The following NEXN variants were observed in gnomAD, a reference collection of about 807,000 sequenced individuals.
The protein encoded by NEXN is nexilin F-actin binding protein, also known as nexilin.
Under a neutral mutation model 92.6 loss-of-function variants are expected in NEXN, and 65 were observed. That is an observed-to-expected ratio of 0.70 (90% CI 0.57 to 0.86). The LOEUF is 0.86. NEXN is among the 40% of genes least tolerant of loss of function. The pLI is 0.00. For missense variants in NEXN, 778 were observed against 771.1 expected, an observed-to-expected ratio of 1.01 and a Z score of -0.11; for synonymous variants, 254 against 242.5, an observed-to-expected ratio of 1.05 and a Z score of -0.44.
At chr1:77,933,719 T>G (rs1171535389) in intron 10 of NEXN, among the ~76,000 whole-genome samples, 1 of 152,206 alleles carries the variant, frequency 6.6e-6, no homozygotes, top group Non-Finnish European at 1.5e-5. Context: ...GAGCTATTAC[T>G]ATTTATTTAT....
chr1:77,918,458 G>T (rs886979231), intron 5 of NEXN, among the ~76,000 whole-genome samples, 185 bp downstream of exon 5: 5 of 151,996 alleles, frequency 3.3e-5, no homozygotes, highest in Middle Eastern at 3.4e-3. Flanking sequence ...TGGGTGGATC[G>T]CTTCGACATC....
chr1:77,915,947 T>G, intron 1 of NEXN, 108 bp from the exon 2 acceptor site: 1 of 275,854 alleles, frequency 3.6e-6, no homozygotes, highest in Non-Finnish European at 6.7e-6. Context: ...CTTGCTTGAA[T>G]CATGTCAGTA....
At chr1:77,893,622 G>A (rs945239169) in intron 1 of NEXN, among the ~76,000 whole-genome samples, 3 of 151,996 alleles carry the variant, frequency 2.0e-5, no homozygotes, top group South Asian at 2.1e-4. Flanking sequence ...GCTCAAATAC[G>A]AATAGAGCTT....
chr1:77,901,675 G>A (rs1277944928), intron 1 of NEXN, among the ~76,000 whole-genome samples: 1 of 152,068 alleles, frequency 6.6e-6, no homozygotes, highest in Non-Finnish European at 1.5e-5. Flanking sequence ...CTCAATAATG[G>A]GCCCAGACTT....
Position 77,895,029 on chromosome 1 carries a change from A to ATTT in NEXN, c.-53+6301_-53+6303dup, listed in dbSNP as rs559226754. On this transcript the variant is annotated intron_variant, in intron 1 of 12. Coordinates refer to ENST00000334785, the MANE Select transcript of NEXN (RefSeq NM_144573.4). ...CCATCCATGGCCAGCCTATAGTGTA[A>ATTT]TTTTTTTTTTTTTTTTTTTTTTTTT... 2.2e-3 allele frequency among the ~76,000 whole-genome samples: 137 copies of ATTT among 61,656 alleles called. 5 individuals carry two copies. The highest frequency in any genetic ancestry group is 5.3e-3 in the East Asian group (10 of 1,882). 40.4% of individuals were successfully genotyped at this position (61,656 alleles called of 152,430 possible).
chr1:77,904,525 T>C (rs751434762), intron 1 of NEXN, among the ~76,000 whole-genome samples: 5 of 152,154 alleles, frequency 3.3e-5, no homozygotes, highest in Non-Finnish European at 7.4e-5. Context: ...AGTTTTTGCG[T>C]GAATATTGAA....
chr1:77,935,737 A>T, intron 10 of NEXN, 86 bp from the exon 11 acceptor site: 1 of 1,231,600 alleles, frequency 8.1e-7, no homozygotes, highest in Non-Finnish European at 1.2e-6. Context: ...AGGATTGCTT[A>T]AACACAGGAA....
intron 9 of NEXN, among the ~76,000 whole-genome samples, chr1:77,931,080 T>C (rs1255597024): frequency 1.3e-5 from 2 of 152,082 alleles, no homozygotes; most frequent in African/African-American, 2.4e-5. Context: ...TTTTGGAGAA[T>C]AAGCAGGTTT....
chr1:77,935,099 T>A (rs1468650233), intron 10 of NEXN, among the ~76,000 whole-genome samples: 1 of 152,174 alleles, frequency 6.6e-6, no homozygotes, highest in African/African-American at 2.4e-5. Context: ...AGTCTTGCTG[T>A]GTCACCCAGC....
At chr1:77,909,309 A>G (rs1571093996) in intron 1 of NEXN, among the ~76,000 whole-genome samples, 2 of 152,178 alleles carry the variant, frequency 1.3e-5, no homozygotes, top group East Asian at 3.8e-4. Context: ...AATCCCAGCT[A>G]CTTGGGAGGC....
chr1:77,903,023 G>A (rs1647839938), intron 1 of NEXN, among the ~76,000 whole-genome samples: 1 of 152,154 alleles, frequency 6.6e-6, no homozygotes, highest in South Asian at 2.1e-4. Flanking sequence ...AAACTGAAGA[G>A]TCTGAGGGTC....
rs200067011 is a variant in NEXN, at chr1:77,933,340, C to A, written c.1112C>A (p.Pro371Gln). Reference protein sequence around the residue: ...YKTISQEFLTPGKLEINFEEL... With the variant: ...YKTISQEFLTQGKLEINFEEL... ...ACAATCTCTCAAGAATTTCTTACAC[C>A]GGGAAAACTGGAAATTAATTTTGAA... Residue 371 changes from proline (P) to glutamine (Q), a missense_variant, in exon 10 of 13, where the codon CCG (proline) becomes CAG (glutamine). Transcript: ENST00000334785. The A allele has an allele frequency of 1.3e-5, 21 of 1,609,220 alleles. No homozygotes were observed. The highest frequency in any genetic ancestry group is 1.8e-5 in the Non-Finnish European group (21 of 1,177,178).
rs1218238801 is a variant in NEXN at position 77,934,011 on chromosome 1, A to ATTTTTAAT, written c.1251+537_1251+538insAATTTTTT. 7.9e-5 allele frequency among the ~76,000 whole-genome samples: 9 copies of ATTTTTAAT among 114,324 alleles called. 1 individual carries two copies. In the East Asian group the frequency reaches 1.7e-3, roughly 22 times the overall value. The allele number at this position is 114,324 out of a possible 152,430, so 75.0% of individuals were successfully genotyped here. ...CAGCACCATGTCTGGCTAATTTTTA[A>ATTTTTAAT]TTTTTTTTTTTTTTTTGAGATGGAG... is the stretch of plus-strand genomic sequence containing the variant. On this transcript the variant is annotated intron_variant, in intron 10 of 12. Coordinates refer to ENST00000334785, the MANE Select transcript of NEXN (RefSeq NM_144573.4).
chr1:77,914,167 T>C (rs894045235), intron 1 of NEXN, among the ~76,000 whole-genome samples: 6 of 152,180 alleles, frequency 3.9e-5, no homozygotes, highest in Admixed American at 6.5e-5. Flanking sequence ...ACACATGTCA[T>C]TGTACATTTA....
At chr1:77,906,193 A>T (rs1648101366) in intron 1 of NEXN, among the ~76,000 whole-genome samples, 1 of 152,148 alleles carries the variant, frequency 6.6e-6, no homozygotes, top group African/African-American at 2.4e-5. Flanking sequence ...GGAGTGACTG[A>T]GAGTATCAAG....
intron 8 of NEXN, 45 bp from the exon 9 acceptor site, chr1:77,929,271 T>G (rs766364803): frequency 7.3e-7 from 1 of 1,370,002 alleles, no homozygotes; most frequent in South Asian, 1.2e-5. Context: ...CATTCCTTTT[T>G]CTGATGAACC....
chr1:77,915,521 C>T (rs760326543), intron 1 of NEXN, among the ~76,000 whole-genome samples: 3 of 152,032 alleles, frequency 2.0e-5, no homozygotes, highest in East Asian at 1.9e-4. Flanking sequence ...CCCAGCTACT[C>T]GGGAGGCTGA....
intron 1 of NEXN, among the ~76,000 whole-genome samples, chr1:77,909,938 T>A (rs1228289348): frequency 6.6e-6 from 1 of 152,148 alleles, no homozygotes; most frequent in Non-Finnish European, 1.5e-5. Flanking sequence ...TAAATACAGA[T>A]ACAAAACTTA....
At position 77,943,479 on chromosome 1, in the gene NEXN, A is replaced by C. The variant is rs1449118883; in HGVS notation, c.*650A>C. ...GGAAAACTGTCACTCCTTTCAGAGG[A>C]AAAGGGGAGGAGCATGGAGAAAAAC... On this transcript the variant is annotated 3_prime_UTR_variant, in exon 13 of 13. Coordinates refer to ENST00000334785, the MANE Select transcript of NEXN (RefSeq NM_144573.4). 2 of 155,696 alleles carry C rather than the reference A, an allele frequency of 1.3e-5. No individual in the cohort carries two copies. The highest frequency in any genetic ancestry group is 4.8e-5 in the African/African-American group (2 of 41,422). The allele number at this position is 155,696 out of a possible 1,614,324, so 9.6% of individuals were successfully genotyped here.
Sources: gnomAD v4.1 joint callset for allele counts (sites outside exome capture counted in the v4.1 genomes callset) on GRCh38, gnomAD v4.1.1 for gene constraint, MANE v1.5 for transcripts, NCBI Gene and HGNC (gene_info 2026-07-23, HGNC 2026-07-21) for gene names.